The following PTK2 variants were observed in gnomAD, a reference collection of about 807,000 sequenced individuals.
PTK2 encodes the protein protein tyrosine kinase 2, also known as focal adhesion kinase 1.
Under a neutral mutation model 150.1 loss-of-function variants are expected in PTK2, and 45 were observed. That is an observed-to-expected ratio of 0.30 (90% CI 0.24 to 0.38). The LOEUF is 0.38. Among genes scored for constraint, PTK2 ranks in the 10% least tolerant of loss-of-function variants. The pLI, the probability that PTK2 is intolerant of heterozygous loss-of-function variation, is 1.00. For missense variants in PTK2, 919 were observed against 1,307.3 expected, an observed-to-expected ratio of 0.70 and a Z score of 4.58; for synonymous variants, 432 against 449.2, an observed-to-expected ratio of 0.96 and a Z score of 0.48.
intron 7 of PTK2, chr8:140,832,889 A>G (rs780575937): frequency 1.9e-6 from 1 of 519,030 alleles, no homozygotes; most frequent in East Asian, 5.4e-5. Context: ...CAAGAAGGCA[A>G]CACACACGTC....
intron 25 of PTK2, among the ~76,000 whole-genome samples, 154 bp downstream of exon 28, chr8:140,702,416 G>A (rs1014016205): frequency 1.3e-5 from 2 of 150,888 alleles, no homozygotes; most frequent in South Asian, 2.1e-4. Context: ...ACAGGGTCTC[G>A]CTATGTTGCC....
intron 14 of PTK2, among the ~76,000 whole-genome samples, chr8:140,779,036 A>AGGCG: frequency 6.6e-6 from 1 of 151,886 alleles, no homozygotes; most frequent in Non-Finnish European, 1.5e-5. Flanking sequence ...CAAGGAGGGC[A>AGGCG]GATCACTTGA....
At chr8:140,744,919 C>A in intron 18 of PTK2, 152 bp from the exon 22 acceptor site, 2 of 424,674 alleles carry the variant, frequency 4.7e-6, no homozygotes, top group Non-Finnish European at 8.4e-6. Flanking sequence ...TCTAATAAAG[C>A]ATAATAAATG....
chr8:140,699,386 C>G, intron 26 of PTK2, among the ~76,000 whole-genome samples: 1 of 152,144 alleles, frequency 6.6e-6, no homozygotes. Context: ...GGGCATAGAA[C>G]TGCTTGGCAA....
At chr8:140,940,356 T>G (rs2100175220) in intron 1 of PTK2, among the ~76,000 whole-genome samples, 1 of 151,732 alleles carries the variant, frequency 6.6e-6, no homozygotes, top group African/African-American at 2.4e-5. Context: ...CTTGAGAGAC[T>G]CAGGCAGGCC....
chr8:140,837,317 G>GA (rs1379521992), intron 7 of PTK2, among the ~76,000 whole-genome samples: 1 of 152,164 alleles, frequency 6.6e-6, no homozygotes, highest in African/African-American at 2.4e-5. Flanking sequence ...GACATGAAAA[G>GA]AAAGACTGAT....
chr8:140,777,671 T>A (rs536371142), intron 14 of PTK2, among the ~76,000 whole-genome samples: 2 of 152,256 alleles, frequency 1.3e-5, no homozygotes, highest in South Asian at 4.1e-4. Context: ...AATGGGTGCT[T>A]TAAGTTGTTT....
At chr8:140,706,665 T>C (rs950633096) in intron 23 of PTK2, among the ~76,000 whole-genome samples, 1 of 152,188 alleles carries the variant, frequency 6.6e-6, no homozygotes, top group African/African-American at 2.4e-5. Context: ...GAAGACAGTA[T>C]GGCTATTCCT....
intron 27 of PTK2, among the ~76,000 whole-genome samples, chr8:140,682,318 G>A (rs1011831759): frequency 6.6e-6 from 1 of 152,138 alleles, no homozygotes. Context: ...GGAGGCGGAG[G>A]TTATCACGCC....
At chr8:140,961,131 G>A (rs948809129) in intron 1 of PTK2, among the ~76,000 whole-genome samples, 1 of 152,190 alleles carries the variant, frequency 6.6e-6, no homozygotes, top group Non-Finnish European at 1.5e-5. Context: ...GAGCAAGTTT[G>A]GGCACTGTGA....
chr8:140,742,321 T>C (rs978661066), intron 20 of PTK2, among the ~76,000 whole-genome samples: 2 of 152,256 alleles, frequency 1.3e-5, no homozygotes, highest in African/African-American at 4.8e-5. Flanking sequence ...TTTCTGGCTA[T>C]TACAAATACA....
chr8:140,960,187 C>CTT (rs371999950), intron 1 of PTK2, among the ~76,000 whole-genome samples: 1 of 72,346 alleles, frequency 1.4e-5, no homozygotes, highest in African/African-American at 6.2e-5. Flanking sequence ...CAATTTTAAA[C>CTT]TTTTTTTTTT....
intron 22 of PTK2, chr8:140,732,775 C>T: frequency 3.9e-6 from 1 of 256,206 alleles, no homozygotes; most frequent in South Asian, 3.6e-5. Flanking sequence ...ATAGGGTAAG[C>T]CTGACAAGAA....
intron 5 of PTK2, among the ~76,000 whole-genome samples, chr8:140,860,295 C>G (rs1018057832): frequency 2.0e-5 from 3 of 152,068 alleles, no homozygotes; most frequent in African/African-American, 7.2e-5. Flanking sequence ...AATCTTATTT[C>G]TTTTGAATAA....
chr8:140,930,637 G>GT (rs1754347524), intron 1 of PTK2, among the ~76,000 whole-genome samples: 2 of 152,120 alleles, frequency 1.3e-5, no homozygotes, highest in South Asian at 4.1e-4. Flanking sequence ...TTAGACTCAT[G>GT]TATTATTTAG....
chr8:140,822,283 T>C (rs1179843791), intron 8 of PTK2: 1 of 152,194 alleles, frequency 6.6e-6, no homozygotes, highest in Non-Finnish European at 1.5e-5. Context: ...AAGAGCATTC[T>C]GATCTTCATT....
At chr8:140,817,945 G>A (rs2100105733) in intron 10 of PTK2, among the ~76,000 whole-genome samples, 1 of 151,992 alleles carries the variant, frequency 6.6e-6, no homozygotes, top group Non-Finnish European at 1.5e-5. Context: ...CAAAGGGTAA[G>A]ATGCCAGTAC....
At chr8:140,801,992 T>C (rs917583648) in intron 11 of PTK2, among the ~76,000 whole-genome samples, 3 of 152,148 alleles carry the variant, frequency 2.0e-5, no homozygotes, top group African/African-American at 7.2e-5. Flanking sequence ...GCACATACGA[T>C]TATGTACAGC....
At chr8:140,782,876 T>C (rs1250784942) in intron 14 of PTK2, among the ~76,000 whole-genome samples, 2 of 152,214 alleles carry the variant, frequency 1.3e-5, no homozygotes, top group Non-Finnish European at 2.9e-5. Context: ...AAAACCTTAA[T>C]GGAATCACAC....
Sources: allele counts gnomAD v4.1 joint callset (sites outside exome capture counted in the v4.1 genomes callset), GRCh38; gene constraint gnomAD v4.1.1; transcripts MANE v1.5; gene names NCBI Gene and HGNC (gene_info 2026-07-23, HGNC 2026-07-21).